The following RPL7L1 variants were observed in gnomAD, a reference collection of about 807,000 sequenced individuals.
RPL7L1 encodes ribosomal protein L7 like 1, also known as ribosomal protein uL30-like.
Under a neutral mutation model 30.3 loss-of-function variants are expected in RPL7L1, and 20 were observed. That is an observed-to-expected ratio of 0.66 (90% CI 0.46 to 0.96). The LOEUF is 0.96. Ranked by LOEUF, RPL7L1 falls within the 40% of genes least tolerant of loss-of-function variation. RPL7L1 has a pLI of 0.00. For synonymous variants in RPL7L1, 107 were observed against 110.1 expected, an observed-to-expected ratio of 0.97 and a Z score of 0.18; for missense variants, 271 against 314.9, an observed-to-expected ratio of 0.86 and a Z score of 1.05.
In RPL7L1 at chr6:42,886,014, C is replaced by T; in HGVS notation, c.490C>T (p.Arg164Cys). 2 of 1,610,060 alleles carry T rather than the reference C, an allele frequency of 1.2e-6. No homozygotes were observed. The highest frequency in any genetic ancestry group is 1.7e-6 in the Non-Finnish European group (2 of 1,177,634). ...GTCTGTCCGAGAACTCATTTTGAAA[C>T]GTGGACAAGCCAAGGTCAAGAATAA... is the stretch of plus-strand genomic sequence containing the variant. ...LKSVRELILK[R>C]GQAKVKNKTI... is the part of the protein sequence containing the mutation. The change falls in exon 5 of 6, where the codon CGT becomes TGT. Residue 164 changes from arginine to cysteine, a missense_variant. Arg to Cys is a radical substitution (Grantham distance 180). Coordinates refer to ENST00000493763, the MANE Select transcript of RPL7L1 (RefSeq NM_001366481.3).
chr6:42,886,403 A>G lies in RPL7L1; in HGVS notation c.707A>G (p.Glu236Gly). Residue 236 changes from glutamate (E) to glycine (G), a missense_variant, in exon 6 of 6, where the codon GAG becomes GGG. Transcript: ENST00000493763. ...AAAAATAGAGTGGGCTTCCTCAAGG[A>G]GATGGGCACACCTGGCTATCGGGGT... ...ATKNRVGFLK[E>G]MGTPGYRGER... The G allele has an allele frequency of 6.3e-7, 1 of 1,596,792 alleles. No homozygotes were observed. The highest frequency in any genetic ancestry group is 1.7e-5 in the Admixed American group (1 of 59,958).
At chr6:42,883,420 A>G (rs1301524848) in intron 2 of RPL7L1, 31 bp from the exon 3 acceptor site, 2 of 1,520,950 alleles carry the variant, frequency 1.3e-6, no homozygotes, top group African/African-American at 2.8e-5. Context: ...TGGAGGCACA[A>G]GATGATGATG....
At chr6:42,884,849 G>A in intron 4 of RPL7L1, 99 bp downstream of exon 4, 1 of 1,238,618 alleles carries the variant, frequency 8.1e-7, no homozygotes. Flanking sequence ...GCTGTAGAAG[G>A]GACATTTTGC....
intron 3 of RPL7L1, among the ~76,000 whole-genome samples, chr6:42,884,354 GACA>G (rs1481415287): frequency 6.6e-6 from 1 of 152,086 alleles, no homozygotes; most frequent in Non-Finnish European, 1.5e-5. Flanking sequence ...TCCTTAGCTG[GACA>G]TGTGTAGACC....
Position 42,884,633 on chromosome 6 carries a change from T to C in RPL7L1, c.332T>C (p.Leu111Pro). 2 of 1,613,128 alleles carry C rather than the reference T, an allele frequency of 1.2e-6. No individual in the cohort carries two copies. The highest frequency in any genetic ancestry group is 1.7e-6 in the Non-Finnish European group (2 of 1,179,826). ...TTCAGGATTGACGGCGTGAGTTTAC[T>C]GGTGCAGAGAACCATTGCAAGACTT... ...RIERIDGVSL[L>P]VQRTIARLRL... is the part of the protein sequence containing the mutation. Residue 111 changes from leucine (L) to proline (P), a missense_variant, in exon 4 of 6, where the codon CTG becomes CCG. By Grantham distance (98) the Leu-to-Pro change is moderately conservative. Coordinates refer to ENST00000493763, the MANE Select transcript of RPL7L1 (RefSeq NM_001366481.3).
rs756576258 is a variant in RPL7L1 at position 42,879,914 on chromosome 6, A to T, written c.4A>T (p.Ile2Phe). M[I>F]SSCTTRKMAE... The stretch of plus-strand genomic sequence containing the variant: ...TCCCCATGTGGTGGGGTTGCGCATG[A>T]TCAGTAGCTGCACCACTAGAAAGAT... The change falls in exon 1 of 6, where the codon ATC (isoleucine) becomes TTC (phenylalanine). Residue 2 changes from isoleucine to phenylalanine, a missense_variant. Coordinates refer to ENST00000493763, the MANE Select transcript of RPL7L1 (RefSeq NM_001366481.3). 1.2e-6 allele frequency: 2 copies of T among 1,613,980 alleles called. No homozygotes were observed. The highest frequency in any genetic ancestry group is 1.7e-6 in the Non-Finnish European group (2 of 1,179,966).
At chr6:42,885,902 T>TC (rs1766247746) in intron 4 of RPL7L1, 72 bp from the exon 5 acceptor site, 2 of 837,160 alleles carry the variant, frequency 2.4e-6, no homozygotes, top group East Asian at 2.4e-5. Flanking sequence ...CTCCAACCTC[T>TC]CAGCCAGGCT....
intron 1 of RPL7L1, 121 bp from the exon 2 acceptor site, chr6:42,880,740 T>G (rs1287815524): frequency 1.1e-5 from 6 of 562,442 alleles, no homozygotes; most frequent in Non-Finnish European, 1.9e-5. Context: ...CTCGAACTCC[T>G]GACCTCAGGT....
At position 42,887,463 on chromosome 6, in the gene RPL7L1, A is replaced by T. The variant is rs1056092986; in HGVS notation, c.*999A>T. 1 of 151,796 alleles carries T rather than the reference A, an allele frequency of 6.6e-6. No homozygotes were observed. Among genetic ancestry groups the T allele is most frequent in the Non-Finnish European group, 1.5e-5 (1 of 67,938 alleles). 9.4% of individuals were successfully genotyped at this position (151,796 alleles called of 1,614,324 possible). A position where few individuals can be genotyped will look rare whatever the true frequency, so the allele number is the denominator to read the frequency against. On this transcript the variant is annotated 3_prime_UTR_variant, in exon 6 of 6. Coordinates refer to ENST00000493763, the MANE Select transcript of RPL7L1 (RefSeq NM_001366481.3). Reference sequence around the variant, plus strand: ...CCGGGCATGGTGGCACGTGCCTGTAATCCCAGCTACTCAGGAGGCTGAGGC... The same window carrying T: ...CCGGGCATGGTGGCACGTGCCTGTATTCCCAGCTACTCAGGAGGCTGAGGC...
In RPL7L1 at chr6:42,884,768, T is replaced by C. The variant is rs117729260; in HGVS notation, c.449+18T>C. ...ACCTGGGGGTAAGTAAGGTTTTCCA[T>C]GTGAATTCACATTAGATTTCTATTT... is the stretch of plus-strand genomic sequence containing the variant. On this transcript the variant is annotated intron_variant, in intron 4 of 5. Transcript: ENST00000493763. 202 of 1,607,546 alleles carry C rather than the reference T, an allele frequency of 1.3e-4. 2 individuals are homozygous for C. In the East Asian group the frequency reaches 4.4e-3, roughly 35 times the overall value.
At chr6:42,883,175 T>G (rs997334503) in intron 2 of RPL7L1, 10 of 247,542 alleles carry the variant, frequency 4.0e-5, no homozygotes, top group African/African-American at 6.8e-5. Context: ...AGGCAAATGC[T>G]GGCGTGGAGT....
intron 4 of RPL7L1, 113 bp from the exon 5 acceptor site, chr6:42,885,861 C>T (rs1373876045): frequency 6.1e-6 from 4 of 658,776 alleles, no homozygotes; most frequent in African/African-American, 3.6e-5. Context: ...AACACTTGCT[C>T]GTTGGGAGAA....
At chr6:42,883,679 C>G in intron 3 of RPL7L1, 65 bp downstream of exon 3, 1 of 1,375,076 alleles carries the variant, frequency 7.3e-7, no homozygotes. Context: ...GCTTTAGACC[C>G]CTTTCTAGGG....
At chr6:42,882,591 TCA>T (rs1491343322) in intron 2 of RPL7L1, 1 of 97,470 alleles carries the variant, frequency 1.0e-5, no homozygotes, top group African/African-American at 6.8e-5. Flanking sequence ...AAACCCTGTC[TCA>T]AAAAAAAAAA....
At position 42,879,710 on chromosome 6, in the gene RPL7L1, G is replaced by C. The variant is rs1765996463; in HGVS notation, c.-201G>C. 1.8e-6 allele frequency: 1 copy of C among 558,302 alleles called. No individual in the cohort carries two copies. Among genetic ancestry groups the C allele is most frequent in the Non-Finnish European group, 3.3e-6 (1 of 307,492 alleles). The allele number at this position is 558,302 out of a possible 1,614,324, so 34.6% of individuals were successfully genotyped here. A position where few individuals can be genotyped will look rare whatever the true frequency, so the allele number is the denominator to read the frequency against. On this transcript the variant is annotated 5_prime_UTR_variant, in exon 1 of 6. Transcript: ENST00000493763. Reference sequence around the variant, plus strand: ...ATGAAACTGTAACTTACAAGAAAAGGGCTGGGTTTTGAAAATAACACAGGC... The same window carrying C: ...ATGAAACTGTAACTTACAAGAAAAGCGCTGGGTTTTGAAAATAACACAGGC...
intron 4 of RPL7L1, among the ~76,000 whole-genome samples, chr6:42,885,329 CAAAA>C (rs79094944): frequency 4.7e-5 from 6 of 127,512 alleles, no homozygotes; most frequent in Non-Finnish European, 3.3e-5. Context: ...CACTCTGTCT[CAAAA>C]AAAAAAAAAA....
rs1482948162 is a variant in RPL7L1 at position 42,884,813 on chromosome 6, G to A, written c.449+63G>A. On this transcript the variant is annotated intron_variant, in intron 4 of 5. Transcript: ENST00000493763. ...CTATTTGAGTGTGTCAGGGTGCACC[G>A]GGTATTGCTTTCCAGGGCTCATGTT... is the stretch of plus-strand genomic sequence containing the variant. 43 of 1,508,078 alleles carry A rather than the reference G, an allele frequency of 2.9e-5. No individual in the cohort carries two copies. The Admixed American group carries it at 3.4e-4, about 12-fold the overall frequency. The allele number at this position is 1,508,078 out of a possible 1,614,324, so 93.4% of individuals were successfully genotyped here. A position where few individuals can be genotyped will look rare whatever the true frequency, so the allele number is the denominator to read the frequency against.
chr6:42,886,070 T>A lies in RPL7L1; in HGVS notation c.546T>A (p.Ile182=), dbSNP rs1176967689. 1.3e-5 allele frequency: 20 copies of A among 1,590,712 alleles called. No individual in the cohort carries two copies. The highest frequency in any genetic ancestry group is 1.7e-5 in the Non-Finnish European group (20 of 1,161,344). The change falls in exon 5 of 6, where the codon ATT becomes ATA. Residue 182 remains isoleucine, a synonymous_variant. Transcript: ENST00000493763. Reference sequence around the variant, plus strand: ...TCCCTCTGACAGACAATACAGTGATTGAGGAGCACCTGGGTGAGTGCTACA... The same window carrying A: ...TCCCTCTGACAGACAATACAGTGATAGAGGAGCACCTGGGTGAGTGCTACA... ...KTIPLTDNTV[I]EEHLGKFGVI... is the part of the protein sequence containing the mutation.
chr6:42,880,384 A>G (rs994071429), intron 1 of RPL7L1, among the ~76,000 whole-genome samples: 1 of 152,190 alleles, frequency 6.6e-6, no homozygotes, highest in Non-Finnish European at 1.5e-5. Flanking sequence ...GGATGGATTT[A>G]TGAGGCCTGG....
Sources: gnomAD v4.1 joint callset for allele counts (sites outside exome capture counted in the v4.1 genomes callset) on GRCh38, gnomAD v4.1.1 for gene constraint, MANE v1.5 for transcripts, NCBI Gene and HGNC (gene_info 2026-07-23, HGNC 2026-07-21) for gene names.